Variants in PI4KB observed in about 807,000 individuals in gnomAD.
The protein encoded by PI4KB is PtdIns 4-kinase beta.
Under a neutral mutation model 81.4 loss-of-function variants are expected in PI4KB, and 23 were observed. That is an observed-to-expected ratio of 0.28 (90% confidence interval 0.20 to 0.40). The LOEUF is 0.40. PI4KB is among the 10% of genes least tolerant of loss of function. PI4KB has a pLI of 1.00. For missense variants in PI4KB, 651 were observed against 1,036.6 expected, an observed-to-expected ratio of 0.63 and a Z score of 5.11; for synonymous variants, 381 against 406.8, an observed-to-expected ratio of 0.94 and a Z score of 0.76.
chr1:151,297,545 T>A, intron 9 of PI4KB, among the ~76,000 whole-genome samples: 1 of 151,352 alleles, frequency 6.6e-6, no homozygotes, highest in Admixed American at 6.6e-5. Context: ...ATAAATTTTT[T>A]TTTTTTTTTG....
rs187840064 is a variant in PI4KB, at chr1:151,321,984, C to T, written c.-29+5287G>A. Reference sequence around the variant, plus strand: ...AAGTCCTGTATTCAACAGCCTTCCCCTTCTAAGTCAGAGGAATAAGAAAAA... The same window carrying T: ...AAGTCCTGTATTCAACAGCCTTCCCTTTCTAAGTCAGAGGAATAAGAAAAA... On this transcript the variant is annotated intron_variant, in intron 1 of 11. Coordinates refer to ENST00000368873, the MANE Select transcript of PI4KB (RefSeq NM_001369623.2). 5.1e-3 allele frequency among the ~76,000 whole-genome samples: 773 copies of T among 152,120 alleles called. 9 individuals carry two copies. The highest frequency in any genetic ancestry group is 8.0e-3 in the Non-Finnish European group (543 of 67,976).
In PI4KB at chr1:151,325,308, A is replaced by G. The variant is rs1371871032; in HGVS notation, c.-29+1963T>C. Reference sequence around the variant, plus strand: ...GCGCCTGGCAGGAAAGCTTCTAATAAGGGGAATTATGAGGAGACTGCACCA... The same window carrying G: ...GCGCCTGGCAGGAAAGCTTCTAATAGGGGGAATTATGAGGAGACTGCACCA... On this transcript the variant is annotated intron_variant, in intron 1 of 11. Transcript: ENST00000368873. 5.3e-5 allele frequency among the ~76,000 whole-genome samples: 8 copies of G among 152,048 alleles called. No homozygotes were observed. In the South Asian group the frequency reaches 1.0e-3, roughly 20 times the overall value.
intron 1 of PI4KB, among the ~76,000 whole-genome samples, chr1:151,325,797 T>C (rs912737092): frequency 1.3e-5 from 2 of 152,168 alleles, no homozygotes; most frequent in Non-Finnish European, 2.9e-5. Flanking sequence ...AAATGTTTTG[T>C]AAACAAATAA....
At chr1:151,293,923 C>CCGAGT in intron 11 of PI4KB, 95 bp downstream of exon 11, 1 of 1,408,708 alleles carries the variant, frequency 7.1e-7, no homozygotes. Flanking sequence ...CCTCCCTCAA[C>CCGAGT]CGAGTCTCGT....
At chr1:151,306,915 A>T (rs1288888840) in intron 4 of PI4KB, among the ~76,000 whole-genome samples, 2 of 152,202 alleles carry the variant, frequency 1.3e-5, no homozygotes, top group African/African-American at 4.8e-5. Flanking sequence ...TCGCTACTAA[A>T]ACTACAAAAA....
Position 151,298,846 on chromosome 1 carries a change from C to T in PI4KB, c.1977G>A (p.Gly659=), listed in dbSNP as rs1695016407. Reference sequence around the variant, plus strand: ...GCAGCAGGTAGCAGACCAAGCAGTACCCAGCACAACTTTGCACAAAATTGC... The same window carrying T: ...GCAGCAGGTAGCAGACCAAGCAGTATCCAGCACAACTTTGCACAAAATTGC... The part of the protein sequence containing the change: ...AQRNFVQSCA[G]YCLVCYLLQV... The change falls in exon 9 of 12, where the codon GGG becomes GGA. Residue 659 remains glycine (G), a synonymous_variant. Transcript: ENST00000368873. 1.9e-6 allele frequency: 3 copies of T among 1,614,106 alleles called. No homozygotes were observed. Among genetic ancestry groups the T allele is most frequent in the East Asian group, 2.2e-5 (1 of 44,884 alleles).
At chr1:151,303,030 G>A (rs865943054) in intron 6 of PI4KB, among the ~76,000 whole-genome samples, 34 of 123,378 alleles carry the variant, frequency 2.8e-4, no homozygotes, top group Middle Eastern at 0.015. Context: ...ACGGAGTCTC[G>A]TTCTGTCGCC....
chr1:151,307,057 AGAGT>A (rs928872360), intron 4 of PI4KB, among the ~76,000 whole-genome samples: 3 of 152,180 alleles, frequency 2.0e-5, no homozygotes, highest in African/African-American at 7.2e-5. Flanking sequence ...CCTCCGCAAT[AGAGT>A]GAGACTCCAT....
At chr1:151,302,330 A>T (rs748959241) in intron 6 of PI4KB, 32 bp from the exon 7 acceptor site, 2 of 1,485,236 alleles carry the variant, frequency 1.3e-6, no homozygotes, top group Non-Finnish European at 9.4e-7. Flanking sequence ...ATTTGCTTGG[A>T]GAAGCTACCC....
chr1:151,309,704 G>A (rs1696050905), intron 3 of PI4KB, among the ~76,000 whole-genome samples: 1 of 152,188 alleles, frequency 6.6e-6, no homozygotes, highest in Non-Finnish European at 1.5e-5. Flanking sequence ...AACCAGTTGT[G>A]GAGAGGCAAA....
chr1:151,324,130 T>C (rs1184512440), intron 1 of PI4KB, among the ~76,000 whole-genome samples: 1 of 152,032 alleles, frequency 6.6e-6, no homozygotes, highest in African/African-American at 2.4e-5. Flanking sequence ...TTTGTATTTT[T>C]AGTAGAGATG....
Position 151,294,354 on chromosome 1 carries a change from A to G in PI4KB, c.2148+55T>C, listed in dbSNP as rs1039319908. 3.1e-6 allele frequency: 5 copies of G among 1,593,306 alleles called. No individual in the cohort carries two copies. In the East Asian group the frequency reaches 6.7e-5, roughly 21 times the overall value. ...AGGGAGCCCATCAGCTCCCTCTCCCATGACAGAGAAAGAATACAATGACCC... is the reference window on the plus strand; with the variant it reads ...AGGGAGCCCATCAGCTCCCTCTCCCGTGACAGAGAAAGAATACAATGACCC... On this transcript the variant is annotated intron_variant, in intron 10 of 11. Coordinates refer to ENST00000368873, the MANE Select transcript of PI4KB (RefSeq NM_001369623.2).
At chr1:151,312,419 C>T (rs1256725747) in intron 2 of PI4KB, among the ~76,000 whole-genome samples, 2 of 152,138 alleles carry the variant, frequency 1.3e-5, no homozygotes, top group Admixed American at 1.3e-4. Flanking sequence ...AATTATGTGC[C>T]TCATTTTAGT....
Position 151,310,274 on chromosome 1 carries a change from GC to G in PI4KB, c.910-20del. 1 of 1,294,436 alleles carries G rather than the reference GC, an allele frequency of 7.7e-7. No individual in the cohort carries two copies. The highest frequency in any genetic ancestry group is 1.2e-5 in the South Asian group (1 of 82,536). The allele number at this position is 1,294,436 out of a possible 1,614,324, so 80.2% of individuals were successfully genotyped here. A position where few individuals can be genotyped will look rare whatever the true frequency, so the allele number is the denominator to read the frequency against. On this transcript the variant is annotated intron_variant, in intron 2 of 11. Coordinates refer to ENST00000368873, the MANE Select transcript of PI4KB (RefSeq NM_001369623.2). ...AGAGCTCCTGGGAAAGGGCCAGAGG[GC>G]AAAGGGAGAAGGAGGGGGTGGGAAG... is the stretch of plus-strand genomic sequence containing the variant.
chr1:151,303,293 C>A (rs1426555835), intron 6 of PI4KB: 1 of 416,794 alleles, frequency 2.4e-6, no homozygotes, highest in Non-Finnish European at 4.5e-6. Context: ...GCCACTATGC[C>A]CGGCCCCTCT....
At chr1:151,303,513 A>T (rs776946414) in intron 6 of PI4KB, 28 bp downstream of exon 6, 55 of 1,348,568 alleles carry the variant, frequency 4.1e-5, no homozygotes, top group Non-Finnish European at 5.8e-5. Context: ...AGGGATGAAA[A>T]ATGAGGGGCA....
intron 1 of PI4KB, among the ~76,000 whole-genome samples, chr1:151,317,127 C>T (rs1648083506): frequency 1.4e-5 from 2 of 146,128 alleles, no homozygotes; most frequent in Non-Finnish European, 3.0e-5. Flanking sequence ...ACCTGGCCTA[C>T]ATTTACAAAT....
chr1:151,318,068 C>T (rs192385067), intron 1 of PI4KB, among the ~76,000 whole-genome samples: 43 of 152,330 alleles, frequency 2.8e-4, no homozygotes, highest in Middle Eastern at 3.4e-3. Context: ...CTGCCTCAGC[C>T]TCCCAAAGCA....
rs114717069 is a variant in PI4KB, at chr1:151,316,020, A to G, written c.462T>C (p.Pro154=). 1.0e-3 allele frequency: 1,637 copies of G among 1,614,138 alleles called. 15 individuals carry two copies. The African/African-American group carries it at 0.017, about 17-fold the overall frequency. Residue 154 remains proline (P), a synonymous_variant, in exon 2 of 12, where the codon CCT becomes CCC. Coordinates refer to ENST00000368873, the MANE Select transcript of PI4KB (RefSeq NM_001369623.2). ...AISYLYNSKE[P]GVQAYIGNRL... is the part of the protein sequence containing the mutation. ...GGTTGCCAATGTAGGCTTGTACTCC[A>G]GGCTCCTTGGAGTTATACAGGTATG...
Sources: allele counts gnomAD v4.1 joint callset (sites outside exome capture counted in the v4.1 genomes callset), GRCh38; gene constraint gnomAD v4.1.1; transcripts MANE v1.5; gene names NCBI Gene and HGNC (gene_info 2026-07-23, HGNC 2026-07-21).